FAM149A: variants seen among roughly 807,000 people sequenced by gnomAD.
The protein encoded by FAM149A is family with sequence similarity 149 member A.
A neutral mutation model predicts 78.2 loss-of-function variants in FAM149A; 71 were observed. That is an observed-to-expected ratio of 0.91 (90% CI 0.75 to 1.11). The LOEUF (loss-of-function observed/expected upper bound fraction) is 1.11, where lower values mean the gene tolerates loss of function less well. Among genes scored for constraint, FAM149A ranks in the 50% least tolerant of loss-of-function variants. The pLI, the probability that FAM149A is intolerant of heterozygous loss-of-function variation, is 0.00. For synonymous variants in FAM149A, 446 were observed against 410.5 expected (o/e 1.09, Z -1.04); for missense variants, 1,036 against 971.0 (o/e 1.07, Z -0.89).
At chr4:186,109,715 T>A (rs2099310406) in intron 1 of FAM149A, 2 of 981,118 alleles carry the variant, frequency 2.0e-6, no homozygotes, top group African/African-American at 3.5e-5. Context: ...GAAATGAAAA[T>A]TGAGAGCCAT....
rs754659146 is a variant in FAM149A, at chr4:186,157,703, G to A, written c.1559G>A (p.Arg520His). The A allele has an allele frequency of 1.2e-5, 19 of 1,610,752 alleles. No homozygotes were observed. In the Admixed American group the frequency reaches 1.5e-4, roughly 13 times the overall value. ...GCTCACGGCATCTCCCTGGCTTCTC[G>A]TCTGAACCCGCCCCAGGTCGGTGCT... Residue 520 changes from arginine (R) to histidine (H), a missense_variant, in exon 8 of 14, where the codon CGT becomes CAT. Physicochemically the swap from Arg to His is conservative, Grantham distance 29. Transcript: ENST00000389354.
chr4:186,121,781 T>C (rs1407824035), intron 1 of FAM149A, among the ~76,000 whole-genome samples: 1 of 152,256 alleles, frequency 6.6e-6, no homozygotes, highest in Non-Finnish European at 1.5e-5. Flanking sequence ...TCTGACCCTG[T>C]TGAAGTTCTG....
chr4:186,139,737 A>G (rs1417019684), intron 1 of FAM149A, among the ~76,000 whole-genome samples: 2 of 152,210 alleles, frequency 1.3e-5, no homozygotes, highest in Non-Finnish European at 2.9e-5. Flanking sequence ...ACTAAGATCT[A>G]GGCACTGGAG....
At chr4:186,156,255 T>C in intron 7 of FAM149A, 65 bp downstream of exon 7, 1 of 1,408,392 alleles carries the variant, frequency 7.1e-7, no homozygotes, top group Non-Finnish European at 9.8e-7. Flanking sequence ...CCTGGGCTCC[T>C]GCTCCCCAGC....
intron 8 of FAM149A, chr4:186,158,535 T>TG: frequency 1.1e-6 from 1 of 948,474 alleles, no homozygotes; most frequent in Non-Finnish European, 1.2e-6. Context: ...CTGCTGCTGA[T>TG]GCAGCTGTGG....
At chr4:186,163,036 A>C in intron 9 of FAM149A, 88 bp downstream of exon 9, 2 of 799,646 alleles carry the variant, frequency 2.5e-6, no homozygotes, top group Non-Finnish European at 4.3e-6. Context: ...ACATGAGATC[A>C]CGAAGGTCCC....
intron 1 of FAM149A, among the ~76,000 whole-genome samples, chr4:186,124,471 T>A (rs1300519884): frequency 8.8e-5 from 13 of 148,178 alleles, no homozygotes; most frequent in African/African-American, 3.2e-4. Context: ...TGTCCATGTG[T>A]TCTCATTGTT....
rs1366328629 is a variant in FAM149A, at chr4:186,157,938, G to A, written c.1575+219G>A. ...CGTCCTGCCTATGAAGGACGAGGAT[G>A]TGCTCAAGTTCCTTGCGGTAGGAGC... On this transcript the variant is annotated intron_variant, in intron 8 of 13. Transcript: ENST00000389354. 9.8e-6 allele frequency: 15 copies of A among 1,529,178 alleles called. No individual in the cohort carries two copies. The Admixed American group carries it at 2.2e-4, about 22-fold the overall frequency. The allele number at this position is 1,529,178 out of a possible 1,614,324, so 94.7% of individuals were successfully genotyped here.
chr4:186,150,506 G>T (rs1307304322), intron 3 of FAM149A, among the ~76,000 whole-genome samples: 3 of 120,966 alleles, frequency 2.5e-5, no homozygotes, highest in Non-Finnish European at 5.0e-5. Context: ...TGCAAGCTCC[G>T]CCTCCCGGGT....
At chr4:186,168,997 G>A (rs1561420569) in intron 13 of FAM149A, among the ~76,000 whole-genome samples, 1 of 152,136 alleles carries the variant, frequency 6.6e-6, no homozygotes, top group Non-Finnish European at 1.5e-5. Flanking sequence ...AGCGGCGGGT[G>A]GTGCTGAGCG....
At position 186,125,474 on chromosome 4, in the gene FAM149A, A is replaced by G. The variant is rs562100014; in HGVS notation, c.566+19832A>G. ...TGATCAGAGCACGCTGGGAAGCCTGAGGAAGATAGTCCGTCCGTCAGCCAG... is the reference window on the plus strand; with the variant it reads ...TGATCAGAGCACGCTGGGAAGCCTGGGGAAGATAGTCCGTCCGTCAGCCAG... On this transcript the variant is annotated intron_variant, in intron 1 of 13. Coordinates refer to ENST00000389354, the MANE Select transcript of FAM149A (RefSeq NM_001367768.3). The G allele has an allele frequency of 1.3e-5, 6 of 447,422 alleles. No homozygotes were observed. The East Asian group carries it at 9.4e-4, about 70-fold the overall frequency. 27.7% of individuals were successfully genotyped at this position (447,422 alleles called of 1,614,324 possible). A position where few individuals can be genotyped will look rare whatever the true frequency, so the allele number is the denominator to read the frequency against.
chr4:186,163,656 T>G lies in FAM149A; in HGVS notation c.1889+23T>G, dbSNP rs374447848. On this transcript the variant is annotated intron_variant, in intron 10 of 13. Transcript: ENST00000389354. Reference sequence around the variant, plus strand: ...ACTGTGAGTCTCATTTCTTTCATAGTAAACTAAAGGCCACGGAGGACCTAG... The same window carrying G: ...ACTGTGAGTCTCATTTCTTTCATAGGAAACTAAAGGCCACGGAGGACCTAG... 42 of 1,583,962 alleles carry G rather than the reference T, an allele frequency of 2.7e-5. No individual in the cohort carries two copies. In the African/African-American group the frequency reaches 5.5e-4, roughly 21 times the overall value.
Position 186,157,710 on chromosome 4 carries a change from C to T in FAM149A, c.1566C>T (p.Asn522=). Residue 522 remains asparagine, a synonymous_variant, in exon 8 of 14, where the codon AAC becomes AAT. Transcript: ENST00000389354. ...GCATCTCCCTGGCTTCTCGTCTGAA[C>T]CCGCCCCAGGTCGGTGCTTTCACAC... The T allele has an allele frequency of 6.2e-7, 1 of 1,609,880 alleles. No homozygotes were observed. The highest frequency in any genetic ancestry group is 8.5e-7 in the Non-Finnish European group (1 of 1,177,690).
chr4:186,163,784 C>A, intron 10 of FAM149A, 151 bp downstream of exon 10: 1 of 660,414 alleles, frequency 1.5e-6, no homozygotes, highest in African/African-American at 1.8e-5. Context: ...TAACATTCCG[C>A]TTGCTCCAGT....
chr4:186,153,586 T>C, intron 4 of FAM149A, 59 bp from the exon 5 acceptor site: 1 of 1,575,114 alleles, frequency 6.3e-7, no homozygotes, highest in Non-Finnish European at 8.7e-7. Flanking sequence ...TTTTAAAATC[T>C]CCAAACATTT....
rs1289204247 is a variant in FAM149A at position 186,167,075 on chromosome 4, C to T, written c.2118C>T (p.Pro706=). ...CCACCCTGGAACGGTTGTCAAGGCC[C>T]AGCACAACCCACACGTTCCGGGTGG... The change falls in exon 12 of 14, where the codon CCC becomes CCT. Residue 706 remains proline (P), a synonymous_variant. Transcript: ENST00000389354. 4 of 1,614,066 alleles carry T rather than the reference C, an allele frequency of 2.5e-6. No homozygotes were observed. Among genetic ancestry groups the T allele is most frequent in the Non-Finnish European group, 3.4e-6 (4 of 1,179,974 alleles).
Position 186,163,497 on chromosome 4 carries a change from G to C in FAM149A, c.1753G>C (p.Ala585Pro), listed in dbSNP as rs1434913988. 4 of 1,614,008 alleles carry C rather than the reference G, an allele frequency of 2.5e-6. No homozygotes were observed. The highest frequency in any genetic ancestry group is 3.4e-6 in the Non-Finnish European group (4 of 1,180,012). The change falls in exon 10 of 14, where the codon GCC becomes CCC. Residue 585 changes from alanine (A) to proline (P), a missense_variant. Physicochemically the swap from Ala to Pro is conservative, Grantham distance 27. Around this residue, in one of 3 missense-constraint regions of FAM149A, gnomAD observed 716 missense variants for 711.8 expected, o/e 1.01. Transcript: ENST00000389354. The stretch of plus-strand genomic sequence containing the variant: ...CTCCGCACCGCACAGACTGGGACGG[G>C]CCTCAGACACTCATGGATTATCACC...
chr4:186,121,176 C>T (rs528441323), intron 1 of FAM149A, among the ~76,000 whole-genome samples: 10 of 151,982 alleles, frequency 6.6e-5, no homozygotes, highest in South Asian at 2.1e-4. Flanking sequence ...CATACTAGAA[C>T]GGCAGTAATG....
intron 3 of FAM149A, among the ~76,000 whole-genome samples, chr4:186,150,672 G>T (rs1410096859): frequency 6.7e-6 from 1 of 148,254 alleles, no homozygotes; most frequent in Admixed American, 6.7e-5. Context: ...GCCCGTCTCG[G>T]CCTCCCAAAG....
Sources: allele counts gnomAD v4.1 joint callset (sites outside exome capture counted in the v4.1 genomes callset), GRCh38; gene constraint gnomAD v4.1.1; regional missense constraint gnomAD v4.1.1; transcripts MANE v1.5; gene names NCBI Gene and HGNC (gene_info 2026-07-23, HGNC 2026-07-21).